The following PICALM variants were observed in gnomAD, a reference collection of about 807,000 sequenced individuals.
PICALM encodes the protein phosphatidylinositol binding clathrin assembly protein, also known as phosphatidylinositol-binding clathrin assembly protein.
Under a neutral mutation model 80.5 loss-of-function variants are expected in PICALM, and 40 were observed. That is an observed-to-expected ratio of 0.50 (90% CI 0.39 to 0.65). The LOEUF is 0.65. Among genes scored for constraint, PICALM ranks in the 30% least tolerant of loss-of-function variants. The probability of loss-of-function intolerance (pLI) is 0.00; values close to 1 mark genes in which losing one functional copy is unlikely to be tolerated. For synonymous variants in PICALM, 288 were observed against 260.3 expected, an observed-to-expected ratio of 1.11 and a Z score of -1.02; for missense variants, 676 against 778.9, an observed-to-expected ratio of 0.87 and a Z score of 1.57.
intron 9 of PICALM, 151 bp from the exon 10 acceptor site, chr11:86,001,309 T>G (rs951683098): frequency 1.4e-6 from 1 of 705,312 alleles, no homozygotes; most frequent in African/African-American, 1.8e-5. Context: ...AGATGAAATA[T>G]TCTACCTAGT....
rs775072780 is a variant in PICALM at position 85,986,365 on chromosome 11, A to ATTTTTTTTTTTTTTTTTTTT, written c.1409-2412_1409-2393dup. On this transcript the variant is annotated intron_variant, in intron 13 of 19. Coordinates refer to ENST00000393346, the MANE Select transcript of PICALM (RefSeq NM_007166.4). The stretch of plus-strand genomic sequence containing the variant: ...AAACTATCAGGACTGCCAACTTTTA[A>ATTTTTTTTTTTTTTTTTTTT]TTTTTTTTTTTTTTTTTTTTTTTTT... 1.4e-4 allele frequency among the ~76,000 whole-genome samples: 10 copies of ATTTTTTTTTTTTTTTTTTTT among 73,750 alleles called. 1 individual carries two copies. Among genetic ancestry groups the ATTTTTTTTTTTTTTTTTTTT allele is most frequent in the African/African-American group, 3.4e-4 (6 of 17,846 alleles). 48.4% of individuals were successfully genotyped at this position (73,750 alleles called of 152,430 possible). A position where few individuals can be genotyped will look rare whatever the true frequency, so the allele number is the denominator to read the frequency against.
intron 1 of PICALM, among the ~76,000 whole-genome samples, chr11:86,056,653 C>T (rs2096274494): frequency 6.6e-6 from 1 of 151,964 alleles, no homozygotes; most frequent in Non-Finnish European, 1.5e-5. Flanking sequence ...CCATATAACC[C>T]AGTAATTTTA....
At chr11:86,019,916 A>G (rs1194242237) in intron 4 of PICALM, among the ~76,000 whole-genome samples, 2 of 152,210 alleles carry the variant, frequency 1.3e-5, no homozygotes, top group Non-Finnish European at 2.9e-5. Context: ...TGGCTCAGGA[A>G]GGCATTCACC....
chr11:85,988,206 A>G (rs1034451753), intron 13 of PICALM, among the ~76,000 whole-genome samples: 1 of 152,226 alleles, frequency 6.6e-6, no homozygotes, highest in Non-Finnish European at 1.5e-5. Context: ...TAGATAATAC[A>G]AAACTTCAGA....
At chr11:86,019,268 T>TG (rs2095529485) in intron 4 of PICALM, among the ~76,000 whole-genome samples, 1 of 48,598 alleles carries the variant, frequency 2.1e-5, no homozygotes, top group East Asian at 3.7e-4. Context: ...CTGATATTCT[T>TG]GATTTTTTTC....
chr11:86,057,828 T>C (rs537589978), intron 1 of PICALM, among the ~76,000 whole-genome samples: 1 of 152,184 alleles, frequency 6.6e-6, no homozygotes, highest in African/African-American at 2.4e-5. Flanking sequence ...GAGATGTGCA[T>C]AGGTTATATG....
In PICALM at chr11:86,026,269, T is replaced by C. The variant is rs114866768; in HGVS notation, c.349+23A>G. ...TGTGGGTGTCATTCTTTTGATTTTC[T>C]ATAATGTAAAAGTTATCTTTACCTT... is the stretch of plus-strand genomic sequence containing the variant. On this transcript the variant is annotated intron_variant, in intron 3 of 19. Coordinates refer to ENST00000393346, the MANE Select transcript of PICALM (RefSeq NM_007166.4). 740 of 1,317,670 alleles carry C rather than the reference T, an allele frequency of 5.6e-4. 6 individuals carry two copies. In the African/African-American group the frequency reaches 9.2e-3, roughly 16 times the overall value. 81.6% of individuals were successfully genotyped at this position (1,317,670 alleles called of 1,614,324 possible).
chr11:85,977,927 C>A, intron 17 of PICALM: 1 of 690,722 alleles, frequency 1.4e-6, no homozygotes, highest in Non-Finnish European at 2.7e-6. Flanking sequence ...CCCATGAAAT[C>A]AGTAGATGCT....
chr11:86,057,078 T>C (rs1219606889), intron 1 of PICALM, among the ~76,000 whole-genome samples: 1 of 152,102 alleles, frequency 6.6e-6, no homozygotes, highest in Non-Finnish European at 1.5e-5. Flanking sequence ...GTTCTAGAAT[T>C]ACATAATGGG....
chr11:85,976,693 G>A lies in PICALM; in HGVS notation c.1780-11C>T, dbSNP rs200935834. 14 of 1,545,542 alleles carry A rather than the reference G, an allele frequency of 9.1e-6. No individual in the cohort carries two copies. The East Asian group carries it at 2.0e-4, about 22-fold the overall frequency. ...CATTACAGGGGGTGCCTAACATAGT[G>A]AAAGGAAAAATGAACAAGAAAGTAT... On this transcript the variant is annotated splice_polypyrimidine_tract_variant and intron_variant, in intron 17 of 19. Transcript: ENST00000393346.
At chr11:86,003,038 A>G (rs2095187130) in intron 9 of PICALM, among the ~76,000 whole-genome samples, 1 of 152,152 alleles carries the variant, frequency 6.6e-6, no homozygotes, top group East Asian at 1.9e-4. Flanking sequence ...AATGTATCTT[A>G]TAACTACAAA....
At chr11:85,986,679 C>T (rs1030217921) in intron 13 of PICALM, among the ~76,000 whole-genome samples, 9 of 152,056 alleles carry the variant, frequency 5.9e-5, no homozygotes, top group Admixed American at 2.0e-4. Context: ...CGTGAGCCAC[C>T]GCGCCCGGCC....
intron 12 of PICALM, 24 bp downstream of exon 12, chr11:85,996,801 TA>T: frequency 7.5e-7 from 1 of 1,324,982 alleles, no homozygotes; most frequent in Non-Finnish European, 1.1e-6. Flanking sequence ...ATGTAACATC[TA>T]AAATAGAATT....
rs772279792 is a variant in PICALM at position 86,031,540 on chromosome 11, T to A, written c.202A>T (p.Thr68Ser). ...QLADSLFERT[T>S]NSSWVVVFKS... ...AAGACCACCACCCAACTACTATTAG[T>A]AGTTCTTTCAAATAAACTGTCTGCC... is the stretch of plus-strand genomic sequence containing the variant. The change falls in exon 2 of 20, where the codon ACT becomes TCT. Residue 68 changes from threonine to serine, a missense_variant. Around this residue, in one of 2 missense-constraint regions of PICALM, gnomAD observed 285 missense variants for 395.4 expected, o/e 0.72. Coordinates refer to ENST00000393346, the MANE Select transcript of PICALM (RefSeq NM_007166.4). 6.2e-7 allele frequency: 1 copy of A among 1,611,454 alleles called. No homozygotes were observed. Among genetic ancestry groups the A allele is most frequent in the South Asian group, 1.1e-5 (1 of 91,024 alleles).
At chr11:85,999,850 TAAAAACAA>T (rs914114441) in intron 11 of PICALM, among the ~76,000 whole-genome samples, 4 of 152,212 alleles carry the variant, frequency 2.6e-5, no homozygotes, top group African/African-American at 9.6e-5. Flanking sequence ...GGGAGCATCT[TAAAAACAA>T]AAATTCTTGG....
chr11:85,969,637 G>A (rs1295862563), intron 19 of PICALM: 1 of 404,646 alleles, frequency 2.5e-6, no homozygotes, highest in Admixed American at 2.7e-5. Flanking sequence ...CATTAAACAT[G>A]CTTTAAAGCA....
intron 1 of PICALM, among the ~76,000 whole-genome samples, chr11:86,041,472 C>G (rs1041916069): frequency 9.2e-5 from 14 of 151,972 alleles, no homozygotes; most frequent in African/African-American, 2.9e-4. Context: ...ATTTTCCTGG[C>G]AGAGAAAGGA....
At chr11:86,003,324 G>GA in intron 9 of PICALM, 42 bp downstream of exon 9, 1 of 1,248,926 alleles carries the variant, frequency 8.0e-7, no homozygotes, top group Non-Finnish European at 1.2e-6. Flanking sequence ...TACTGCCTCA[G>GA]AAAAATCACT....
At chr11:86,000,352 A>T (rs2095104868) in intron 11 of PICALM, among the ~76,000 whole-genome samples, 1 of 152,234 alleles carries the variant, frequency 6.6e-6, no homozygotes, top group Admixed American at 6.5e-5. Context: ...GATGCCTCAT[A>T]AATGTGTTTA....
Sources: allele counts gnomAD v4.1 joint callset (sites outside exome capture counted in the v4.1 genomes callset), GRCh38; gene constraint gnomAD v4.1.1; regional missense constraint gnomAD v4.1.1; transcripts MANE v1.5; gene names NCBI Gene and HGNC (gene_info 2026-07-23, HGNC 2026-07-21).